Variants in VDAC1 observed in about 807,000 individuals in gnomAD.
The protein encoded by VDAC1 is non-selective voltage-gated ion channel VDAC1.
VDAC1 carries 10 observed loss-of-function variants against 34.7 expected under a neutral mutation model. The ratio of observed to expected loss-of-function variants is 0.29; its 90% CI spans 0.18 to 0.49. VDAC1 has a LOEUF of 0.49. VDAC1 is among the 20% of genes least tolerant of loss of function. The pLI is 0.99. For synonymous variants in VDAC1, 130 were observed against 136.0 expected, an observed-to-expected ratio of 0.96 and a Z score of 0.30; for missense variants, 230 against 347.9, an observed-to-expected ratio of 0.66 and a Z score of 2.69.
chr5:134,086,113 T>C, the VDAC1 span, among the ~76,000 whole-genome samples: 1 of 152,158 alleles, frequency 6.6e-6, no homozygotes, highest in Admixed American at 6.5e-5. Context: ...GGAGAATCAC[T>C]TGAACCCGGG....
At chr5:134,053,647 C>A in the VDAC1 span, among the ~76,000 whole-genome samples, 13 of 152,344 alleles carry the variant, frequency 8.5e-5, 1 homozygote, top group South Asian at 2.7e-3. Context: ...CCGGGCCATT[C>A]CACATTGCAT....
At chr5:134,087,206 T>C in the VDAC1 span, among the ~76,000 whole-genome samples, 1 of 152,010 alleles carries the variant, frequency 6.6e-6, no homozygotes, top group Non-Finnish European at 1.5e-5. Flanking sequence ...GGGGTTCGCG[T>C]CCCTCCTCTG....
the VDAC1 span, among the ~76,000 whole-genome samples, chr5:134,032,801 G>C: frequency 2.0e-5 from 3 of 152,212 alleles, no homozygotes; most frequent in African/African-American, 7.2e-5. Flanking sequence ...GGCAGCCGAG[G>C]TAGGAGGATC....
At chr5:134,052,591 T>C in the VDAC1 span, among the ~76,000 whole-genome samples, 265 of 152,106 alleles carry the variant, frequency 1.7e-3, 1 homozygote, top group South Asian at 4.2e-3. Flanking sequence ...CCAAAACTTA[T>C]ATTAAATAAG....
At chr5:134,099,011 C>T in the VDAC1 span, among the ~76,000 whole-genome samples, 2 of 152,282 alleles carry the variant, frequency 1.3e-5, no homozygotes, top group Admixed American at 6.5e-5. Context: ...GACCAGGCGC[C>T]GCTGGGGCTG....
chr5:134,013,878 G>A, the VDAC1 span, among the ~76,000 whole-genome samples: 2 of 151,976 alleles, frequency 1.3e-5, no homozygotes, highest in Non-Finnish European at 2.9e-5. Flanking sequence ...GGAGGCGGAG[G>A]TTGCAGTGAG....
the VDAC1 span, among the ~76,000 whole-genome samples, chr5:134,024,712 GCTTGCT>G: frequency 6.6e-6 from 1 of 152,222 alleles, no homozygotes; most frequent in African/African-American, 2.4e-5. Flanking sequence ...TGCCCTCAGA[GCTTGCT>G]CTAACCAGTG....
the VDAC1 span, among the ~76,000 whole-genome samples, chr5:134,093,595 G>T: frequency 6.6e-6 from 1 of 152,158 alleles, no homozygotes. Context: ...CTTTCCACAG[G>T]GTCTGACCAG....
the VDAC1 span, among the ~76,000 whole-genome samples, chr5:134,061,758 T>C: frequency 6.6e-6 from 1 of 151,838 alleles, no homozygotes; most frequent in Non-Finnish European, 1.5e-5. Flanking sequence ...TCTTTGAATT[T>C]CTTTTTCTCA....
At chr5:134,055,051 G>A in the VDAC1 span, among the ~76,000 whole-genome samples, 14 of 152,318 alleles carry the variant, frequency 9.2e-5, no homozygotes, top group East Asian at 1.9e-4. Context: ...GCACATAAAC[G>A]GAAAGCAAAG....
rs895707740 is a variant in VDAC1, at chr5:133,980,743, C to T, written c.537G>A (p.Gln179=). 2.3e-6 allele frequency: 3 copies of T among 1,332,138 alleles called. No homozygotes were observed. The highest frequency in any genetic ancestry group is 2.0e-6 in the Non-Finnish European group (2 of 1,008,916). 82.5% of individuals were successfully genotyped at this position (1,332,138 alleles called of 1,614,324 possible). The part of the protein sequence containing the change: ...FAVGYKTDEF[Q]LHTNVNDGTE... The stretch of plus-strand genomic sequence containing the variant: ...TGTACACTTACACATTAGTGTGAAG[C>T]TGGAATTCATCAGTCTTGTAGCCAA... Residue 179 remains glutamine (Q), a synonymous_variant, in exon 6 of 9, where the codon CAG becomes CAA. Coordinates refer to ENST00000265333, the MANE Select transcript of VDAC1 (RefSeq NM_003374.3).
In VDAC1 at chr5:133,991,170, A is replaced by G. The variant is rs1447012059; in HGVS notation, c.118-16T>C. 1 of 1,606,790 alleles carries G rather than the reference A, an allele frequency of 6.2e-7. No homozygotes were observed. Among genetic ancestry groups the G allele is most frequent in the Non-Finnish European group, 8.5e-7 (1 of 1,179,966 alleles). On this transcript the variant is annotated splice_polypyrimidine_tract_variant and intron_variant, in intron 3 of 8. Transcript: ENST00000265333. ...TTGTAAATTCCTTCAAAGGAGAGAG[A>G]AGAGTCACAGCCTGCACCATAGCAC...
the VDAC1 span, among the ~76,000 whole-genome samples, chr5:134,056,400 T>C: frequency 6.6e-6 from 1 of 152,096 alleles, no homozygotes; most frequent in Non-Finnish European, 1.5e-5. Flanking sequence ...TTGCCTTTTT[T>C]ACTTTTTTAC....
chr5:133,976,990 G>C (rs890455020), intron 6 of VDAC1, among the ~76,000 whole-genome samples: 5 of 152,190 alleles, frequency 3.3e-5, no homozygotes, highest in African/African-American at 4.8e-5. Flanking sequence ...GTTGCAGTGA[G>C]CTGAGATCTC....
At chr5:134,078,999 G>A in the VDAC1 span, among the ~76,000 whole-genome samples, 1 of 140,888 alleles carries the variant, frequency 7.1e-6, no homozygotes, top group Non-Finnish European at 1.5e-5. Context: ...TTGAGATAGG[G>A]TTTCACTCTG....
chr5:134,011,639 CTTTTTTT>C, the VDAC1 span, among the ~76,000 whole-genome samples: 15 of 135,076 alleles, frequency 1.1e-4, no homozygotes, highest in Non-Finnish European at 1.9e-4. Flanking sequence ...ATCACAAGTT[CTTTTTTT>C]TTTTTTTTTT....
chr5:134,056,064 C>A, the VDAC1 span, among the ~76,000 whole-genome samples: 120 of 151,868 alleles, frequency 7.9e-4, 2 homozygotes, highest in African/African-American at 2.7e-3. Context: ...TATGGTGAAA[C>A]CCCATCTCTA....
chr5:134,113,787 T>G, the VDAC1 span, among the ~76,000 whole-genome samples: 3 of 152,192 alleles, frequency 2.0e-5, no homozygotes, highest in Admixed American at 2.0e-4. Context: ...TCAGCCTGGA[T>G]CGAGCGAGGG....
At chr5:134,109,072 G>A in the VDAC1 span, among the ~76,000 whole-genome samples, 1 of 152,118 alleles carries the variant, frequency 6.6e-6, no homozygotes, top group Non-Finnish European at 1.5e-5. Flanking sequence ...TTGCCTGACG[G>A]CAGGTACGGG....
Sources: gnomAD v4.1 joint callset for allele counts (sites outside exome capture counted in the v4.1 genomes callset) on GRCh38, gnomAD v4.1.1 for gene constraint, MANE v1.5 for transcripts, NCBI Gene and HGNC (gene_info 2026-07-23, HGNC 2026-07-21) for gene names.